Variants in HUS1 observed in about 807,000 individuals in gnomAD.
HUS1 encodes checkpoint protein HUS1.
A neutral mutation model predicts 32.6 loss-of-function variants in HUS1; 31 were observed. That is an observed-to-expected ratio of 0.95 (90% CI 0.72 to 1.28). The LOEUF is 1.28. Among genes scored for constraint, HUS1 ranks in the 50% most tolerant of loss-of-function variants. The probability of loss-of-function intolerance (pLI) is 0.00; values close to 1 mark genes in which losing one functional copy is unlikely to be tolerated. For synonymous variants in HUS1, 123 were observed against 116.6 expected, an observed-to-expected ratio of 1.06 and a Z score of -0.36; for missense variants, 340 against 337.7, an observed-to-expected ratio of 1.01 and a Z score of -0.05.
chr7:47,972,323 C>T (rs1714493136), intron 5 of HUS1, among the ~76,000 whole-genome samples: 1 of 152,186 alleles, frequency 6.6e-6, no homozygotes, highest in Non-Finnish European at 1.5e-5. Flanking sequence ...GCACTTCAGG[C>T]TTAAATGTTC....
intron 1 of HUS1, 40 bp downstream of exon 1, chr7:47,979,428 T>C: frequency 6.2e-7 from 1 of 1,611,342 alleles, no homozygotes; most frequent in Non-Finnish European, 8.5e-7. Context: ...CACTGCTTCC[T>C]TCCGTTCCTC....
chr7:47,979,373 G>T, intron 1 of HUS1, 95 bp downstream of exon 1: 1 of 1,326,582 alleles, frequency 7.5e-7, no homozygotes, highest in Non-Finnish European at 1.0e-6. Context: ...CCCTTCCGGC[G>T]CCCATCCCCG....
At chr7:47,971,701 G>T (rs1788604378) in intron 5 of HUS1, among the ~76,000 whole-genome samples, 1 of 152,092 alleles carries the variant, frequency 6.6e-6, no homozygotes, top group South Asian at 2.1e-4. Flanking sequence ...TAGTCTGCTG[G>T]ATAGCATTTT....
intron 5 of HUS1, among the ~76,000 whole-genome samples, chr7:47,970,232 C>CAAAAA (rs777331089): frequency 1.9e-4 from 9 of 47,830 alleles, no homozygotes; most frequent in African/African-American, 3.6e-4. Flanking sequence ...GACTCTGTCT[C>CAAAAA]AAAAAAAAAA....
Position 47,970,166 on chromosome 7 carries a change from G to A in HUS1, c.541-848C>T, listed in dbSNP as rs546654649. Among the ~76,000 whole-genome samples the A allele has an allele frequency of 4.9e-3, 726 of 146,902 alleles. 8 individuals carry two copies. The highest frequency in any genetic ancestry group is 8.5e-3 in the Non-Finnish European group (571 of 67,400). On this transcript the variant is annotated intron_variant, in intron 5 of 7. Coordinates refer to ENST00000258774, the MANE Select transcript of HUS1 (RefSeq NM_004507.4). ...GAGAATGGCATGAACCCGGGAGGCG[G>A]AACTTGCAGTGAGCCGAGATTGCGC...
chr7:47,969,915 T>C (rs983135588), intron 5 of HUS1, among the ~76,000 whole-genome samples: 5 of 152,116 alleles, frequency 3.3e-5, no homozygotes, highest in African/African-American at 1.2e-4. Flanking sequence ...CTTTCACTCC[T>C]ACAATGAAAC....
At chr7:47,967,022 T>C (rs1015502983) in intron 7 of HUS1, among the ~76,000 whole-genome samples, 1 of 152,224 alleles carries the variant, frequency 6.6e-6, no homozygotes, top group Admixed American at 6.5e-5. Flanking sequence ...TCCTTGACAT[T>C]GCCACCTAGA....
intron 7 of HUS1, among the ~76,000 whole-genome samples, chr7:47,966,024 A>G (rs1167709406): frequency 6.6e-6 from 1 of 151,512 alleles, no homozygotes; most frequent in African/African-American, 2.4e-5. Context: ...CAGCCGAGGA[A>G]AGCTCTCCAG....
Position 47,979,577 on chromosome 7 carries a change from C to G in HUS1, c.-58G>C, listed in dbSNP as rs931054545. Reference sequence around the variant, plus strand: ...GTGGGTAACAGAAAAGCGTCGCGCCCTGAGTGTCCCCGCCCGGAAACACGG... The same window carrying G: ...GTGGGTAACAGAAAAGCGTCGCGCCGTGAGTGTCCCCGCCCGGAAACACGG... On this transcript the variant is annotated 5_prime_UTR_variant, in exon 1 of 8. Coordinates refer to ENST00000258774, the MANE Select transcript of HUS1 (RefSeq NM_004507.4). The G allele has an allele frequency of 3.7e-6, 5 of 1,350,384 alleles. No homozygotes were observed. In the Admixed American group the frequency reaches 5.0e-5, roughly 14 times the overall value. The allele number at this position is 1,350,384 out of a possible 1,614,324, so 83.7% of individuals were successfully genotyped here. A position where few individuals can be genotyped will look rare whatever the true frequency, so the allele number is the denominator to read the frequency against.
intron 7 of HUS1, among the ~76,000 whole-genome samples, chr7:47,965,968 GCA>G (rs907030573): frequency 1.4e-5 from 2 of 145,320 alleles, no homozygotes; most frequent in Non-Finnish European, 3.1e-5. Context: ...GTGGGCAGGA[GCA>G]CACAGTGTGA....
chr7:47,974,967 G>C (rs1390970603), intron 5 of HUS1, among the ~76,000 whole-genome samples: 1 of 152,188 alleles, frequency 6.6e-6, no homozygotes, highest in Admixed American at 6.5e-5. Context: ...CAAACTCACT[G>C]TCAGTCATAT....
At position 47,963,466 on chromosome 7, in the gene HUS1, ATT is replaced by A. The variant is rs994135090; in HGVS notation, c.*1888_*1889del. ...CAGTTTTATAAAACTACTTTCAGAT[ATT>A]GTTTCATTTTGTATCATGATTTTTA... On this transcript the variant is annotated 3_prime_UTR_variant, in exon 8 of 8. Transcript: ENST00000258774. 3.9e-5 allele frequency: 6 copies of A among 152,108 alleles called. No homozygotes were observed. The highest frequency in any genetic ancestry group is 2.1e-4 in the South Asian group (1 of 4,836). The allele number at this position is 152,108 out of a possible 1,614,324, so 9.4% of individuals were successfully genotyped here. A position where few individuals can be genotyped will look rare whatever the true frequency, so the allele number is the denominator to read the frequency against.
At chr7:47,972,556 T>C (rs539055785) in intron 5 of HUS1, among the ~76,000 whole-genome samples, 1 of 152,356 alleles carries the variant, frequency 6.6e-6, no homozygotes, top group East Asian at 1.9e-4. Flanking sequence ...ATTTCTTAAG[T>C]ATCAGGGTAA....
intron 5 of HUS1, among the ~76,000 whole-genome samples, chr7:47,969,579 A>C (rs1397380244): frequency 6.6e-6 from 1 of 152,210 alleles, no homozygotes; most frequent in Non-Finnish European, 1.5e-5. Context: ...GAAGATGTGA[A>C]AACAGGTGGA....
chr7:47,977,290 C>G (rs1290084560), intron 3 of HUS1, among the ~76,000 whole-genome samples: 3 of 152,078 alleles, frequency 2.0e-5, no homozygotes, highest in Non-Finnish European at 4.4e-5. Context: ...GGAAACAGCA[C>G]ATGTAAAGCC....
At chr7:47,977,404 C>G (rs546340209) in intron 3 of HUS1, among the ~76,000 whole-genome samples, 5 of 152,216 alleles carry the variant, frequency 3.3e-5, no homozygotes, top group Non-Finnish European at 5.9e-5. Flanking sequence ...AGTTAAAAGG[C>G]AAACTATATT....
intron 1 of HUS1, 173 bp downstream of exon 1, chr7:47,979,276 TGCCCTCCGACCCGCCCCGC>T (rs981838438): frequency 1.7e-6 from 1 of 600,462 alleles, no homozygotes; most frequent in African/African-American, 1.9e-5. Context: ...TCCCCACAAG[TGCCCTCCGACCCGCCCCGC>T]GCCCTCCCGG....
intron 4 of HUS1, 80 bp downstream of exon 4, chr7:47,976,650 C>T (rs1788709921): frequency 4.9e-6 from 4 of 823,774 alleles, no homozygotes; most frequent in Non-Finnish European, 8.5e-6. Flanking sequence ...AAATATACTG[C>T]AAGACTACAA....
In HUS1 at chr7:47,978,425, C is replaced by T. The variant is rs753201633; in HGVS notation, c.349G>A (p.Val117Met). The T allele has an allele frequency of 8.7e-6, 14 of 1,613,888 alleles. No homozygotes were observed. The highest frequency in any genetic ancestry group is 1.3e-5 in the African/African-American group (1 of 75,064). Reference protein sequence around the residue: ...NKHFPCLTVSVELLSMSSSSR... With the variant: ...NKHFPCLTVSMELLSMSSSSR... ...CTGACTCTCCTACTCACCAGCTCCA[C>T]GGAGACCGTGAGGCAGGGAAAGTGT... Residue 117 changes from valine (V) to methionine (M), a missense_variant, in exon 3 of 8, where the codon GTG (valine) becomes ATG (methionine). By Grantham distance (21) the Val-to-Met change is conservative. Coordinates refer to ENST00000258774, the MANE Select transcript of HUS1 (RefSeq NM_004507.4).
Sources: gnomAD v4.1 joint callset for allele counts (sites outside exome capture counted in the v4.1 genomes callset) on GRCh38, gnomAD v4.1.1 for gene constraint, MANE v1.5 for transcripts, NCBI Gene and HGNC (gene_info 2026-07-23, HGNC 2026-07-21) for gene names.